Variants in AGAP1 observed in about 807,000 individuals in gnomAD.
The protein encoded by AGAP1 is ArfGAP with GTPase domain, ankyrin repeat and PH domain 1.
A neutral mutation model predicts 105.3 loss-of-function variants in AGAP1; 29 were observed. The ratio of observed to expected loss-of-function variants is 0.28; its 90% CI spans 0.21 to 0.38. The LOEUF (loss-of-function observed/expected upper bound fraction) is 0.38, where lower values mean the gene tolerates loss of function less well. Ranked by LOEUF, AGAP1 falls within the 10% of genes least tolerant of loss-of-function variation. The pLI is 1.00. For missense variants in AGAP1, 998 were observed against 1,165.1 expected (o/e 0.86, Z 2.09); for synonymous variants, 509 against 485.9 (o/e 1.05, Z -0.63).
At chr2:236,033,908 A>G (rs983451518) in intron 13 of AGAP1, among the ~76,000 whole-genome samples, 1 of 152,264 alleles carries the variant, frequency 6.6e-6, no homozygotes, top group African/African-American at 2.4e-5. Context: ...AGAAGATCCA[A>G]TAAATGCTGA....
At chr2:235,653,724 T>A (rs1947684874) in intron 1 of AGAP1, among the ~76,000 whole-genome samples, 1 of 152,182 alleles carries the variant, frequency 6.6e-6, no homozygotes, top group Non-Finnish European at 1.5e-5. Flanking sequence ...AGAGCCAGCC[T>A]ACATGCAAGT....
rs1286856846 is a variant in AGAP1 at position 235,830,115 on chromosome 2, C to T, written c.1050+22784C>T. On this transcript the variant is annotated intron_variant, in intron 9 of 17. Transcript: ENST00000304032. This position sits in a 1 kb window ranked among gnomAD's most constrained non-coding sequence, Gnocchi z 5.5. Reference sequence around the variant, plus strand: ...TCGTTCTCATTTGTGAAGACACTGTCCAGGGCTAAGGCAGTACTTGCCAAG... The same window carrying T: ...TCGTTCTCATTTGTGAAGACACTGTTCAGGGCTAAGGCAGTACTTGCCAAG... Among the ~76,000 whole-genome samples the T allele has an allele frequency of 6.6e-6, 1 of 152,026 alleles. No homozygotes were observed. The highest frequency in any genetic ancestry group is 1.9e-4 in the East Asian group (1 of 5,162).
At position 235,953,229 on chromosome 2, in the gene AGAP1, G is replaced by T. The variant is rs1417616538; in HGVS notation, c.1484-15233G>T. ...GGTGTTTACAAAATATTTCTATGAG[G>T]ACAGATAAGGGGGAATGAATTTTGC... On this transcript the variant is annotated intron_variant, in intron 12 of 17. Coordinates refer to ENST00000304032, the MANE Select transcript of AGAP1 (RefSeq NM_001037131.3). The surrounding 1 kb of genome is among the most constrained non-coding windows in gnomAD (Gnocchi z 5.2). Among the ~76,000 whole-genome samples, 3 of 152,130 alleles carry T rather than the reference G, an allele frequency of 2.0e-5. No individual in the cohort carries two copies. Among genetic ancestry groups the T allele is most frequent in the Admixed American group, 6.5e-5 (1 of 15,284 alleles).
chr2:235,641,253 A>G (rs1413594617), intron 1 of AGAP1, among the ~76,000 whole-genome samples: 1 of 152,192 alleles, frequency 6.6e-6, no homozygotes, highest in Non-Finnish European at 1.5e-5. Flanking sequence ...ATTCAGGCAA[A>G]TAAAACTGCA....
chr2:235,525,028 C>T (rs1428422332), intron 1 of AGAP1, among the ~76,000 whole-genome samples: 1 of 152,208 alleles, frequency 6.6e-6, no homozygotes, highest in Non-Finnish European at 1.5e-5. Context: ...CTTAAAATGT[C>T]AGGGTTAAAT....
In AGAP1 at chr2:235,511,178, G is replaced by A. The variant is rs185330665; in HGVS notation, c.163+16329G>A. 7.4e-4 allele frequency among the ~76,000 whole-genome samples: 112 copies of A among 152,194 alleles called. 1 individual carries two copies. Among genetic ancestry groups the A allele is most frequent in the African/African-American group, 2.5e-3 (102 of 41,534 alleles). On this transcript the variant is annotated intron_variant, in intron 1 of 17. Coordinates refer to ENST00000304032, the MANE Select transcript of AGAP1 (RefSeq NM_001037131.3). ...ATGCCTGGGGCAGCCCTGAGTCTTC[G>A]TCATCCCGAGACTGAGAGCCCCAGG...
intron 1 of AGAP1, among the ~76,000 whole-genome samples, chr2:235,526,954 T>G (rs142071873): frequency 6.6e-6 from 1 of 152,334 alleles, no homozygotes; most frequent in African/African-American, 2.4e-5. Context: ...AGGATTTGTC[T>G]CCAAAGTTTT....
At position 235,867,401 on chromosome 2, in the gene AGAP1, G is replaced by C. The variant is rs1393202246; in HGVS notation, c.1051-15944G>C. ...GCAGAGGATCAGATTTGGCCGACAT[G>C]TGGGAGCTTGCCGGCCCCAGTCCCG... On this transcript the variant is annotated intron_variant, in intron 9 of 17. Coordinates refer to ENST00000304032, the MANE Select transcript of AGAP1 (RefSeq NM_001037131.3). The surrounding 1 kb of genome is among the most constrained non-coding windows in gnomAD (Gnocchi z 5.4). Among the ~76,000 whole-genome samples the C allele has an allele frequency of 6.6e-6, 1 of 152,190 alleles. No individual in the cohort carries two copies. Among genetic ancestry groups the C allele is most frequent in the Non-Finnish European group, 1.5e-5 (1 of 68,038 alleles).
In AGAP1 at chr2:235,818,021, T is replaced by G. The variant is rs1958558598; in HGVS notation, c.1050+10690T>G. 3.3e-5 allele frequency among the ~76,000 whole-genome samples: 5 copies of G among 152,360 alleles called. 1 individual carries two copies. The South Asian group carries it at 1.0e-3, about 32-fold the overall frequency. On this transcript the variant is annotated intron_variant, in intron 9 of 17. Transcript: ENST00000304032. ...ACATTTCAAAATACTATTAACATCT[T>G]AGGGCCGTCCCAAGTCTAGTCCTCC...
rs529038901 is a variant in AGAP1 at position 235,977,751 on chromosome 2, A to G, written c.1645+9128A>G. ...TCATTCCTCTTTCTAAAGATGTAAAACAAAAGGGGATATTGACTAATGCAA... is the reference window on the plus strand; with the variant it reads ...TCATTCCTCTTTCTAAAGATGTAAAGCAAAAGGGGATATTGACTAATGCAA... On this transcript the variant is annotated intron_variant, in intron 13 of 17. Coordinates refer to ENST00000304032, the MANE Select transcript of AGAP1 (RefSeq NM_001037131.3). This position sits in a 1 kb window ranked among gnomAD's most constrained non-coding sequence, Gnocchi z 5.2. Among the ~76,000 whole-genome samples the G allele has an allele frequency of 1.2e-4, 18 of 152,320 alleles. No homozygotes were observed. In the South Asian group the frequency reaches 3.7e-3, roughly 32 times the overall value.
intron 16 of AGAP1, among the ~76,000 whole-genome samples, chr2:236,075,579 G>T (rs576325976): frequency 3.9e-5 from 6 of 152,108 alleles, no homozygotes; most frequent in African/African-American, 1.4e-4. Context: ...GGACCTGCCA[G>T]GGTCTTTCAG....
chr2:235,511,880 ATG>A (rs80171449), intron 1 of AGAP1, among the ~76,000 whole-genome samples: 147 of 150,530 alleles, frequency 9.8e-4, no homozygotes, highest in African/African-American at 3.4e-3. Context: ...GTGTATGTGA[ATG>A]TGTGTGAATG....
intron 1 of AGAP1, among the ~76,000 whole-genome samples, chr2:235,572,989 T>TTCC (rs1944585673): frequency 9.3e-5 from 2 of 21,458 alleles, no homozygotes. Flanking sequence ...CTTCTTCTTC[T>TTCC]TCTTCTTCTT....
At chr2:235,852,911 C>A in intron 9 of AGAP1, 1 of 1,323,626 alleles carries the variant, frequency 7.6e-7, no homozygotes, top group East Asian at 3.0e-5. Flanking sequence ...CAGGCCGCTG[C>A]TGTTTGTCCT....
At chr2:236,097,660 C>A (rs2059227406) in intron 16 of AGAP1, among the ~76,000 whole-genome samples, 1 of 151,858 alleles carries the variant, frequency 6.6e-6, no homozygotes, top group Non-Finnish European at 1.5e-5. Context: ...TTTGGGAGGC[C>A]AAGGTGGGTG....
intron 13 of AGAP1, among the ~76,000 whole-genome samples, chr2:235,997,791 T>C (rs892839108): frequency 2.0e-5 from 3 of 152,220 alleles, no homozygotes; most frequent in African/African-American, 7.2e-5. Flanking sequence ...GCCCTCTTAA[T>C]TGTATAGTAG....
intron 1 of AGAP1, among the ~76,000 whole-genome samples, chr2:235,702,304 T>C (rs1232542085): frequency 6.6e-6 from 1 of 152,204 alleles, no homozygotes; most frequent in Non-Finnish European, 1.5e-5. Context: ...TTAATGAAGA[T>C]GAGGTCCTGG....
At chr2:235,909,081 C>T (rs561712137) in intron 11 of AGAP1, among the ~76,000 whole-genome samples, 175 bp downstream of exon 11, 27 of 152,190 alleles carry the variant, frequency 1.8e-4, no homozygotes, top group Non-Finnish European at 4.0e-4. Flanking sequence ...CTTTCAGTTC[C>T]GCAAATGCCA....
intron 9 of AGAP1, among the ~76,000 whole-genome samples, chr2:235,838,198 A>G (rs1417584082): frequency 6.6e-6 from 1 of 150,552 alleles, no homozygotes; most frequent in Non-Finnish European, 1.5e-5. Context: ...CACCCCCCCA[A>G]AAAAAGAAAA....
Sources: allele counts gnomAD v4.1 joint callset (sites outside exome capture counted in the v4.1 genomes callset), GRCh38; gene constraint gnomAD v4.1.1; non-coding constraint Gnocchi (gnomAD v3.1); transcripts MANE v1.5; gene names NCBI Gene and HGNC (gene_info 2026-07-23, HGNC 2026-07-21).